PPARGC1B: variants seen among roughly 807,000 people sequenced by gnomAD.
PPARGC1B encodes the protein peroxisome proliferator-activated receptor gamma coactivator 1-beta.
PPARGC1B carries 34 observed loss-of-function variants against 101.6 expected under a neutral mutation model. The observed-to-expected ratio is 0.33, with a 90% CI of 0.25 to 0.45. The LOEUF (loss-of-function observed/expected upper bound fraction) is 0.45, where lower values mean the gene tolerates loss of function less well. PPARGC1B is among the 20% of genes least tolerant of loss of function. The pLI, the probability that PPARGC1B is intolerant of heterozygous loss-of-function variation, is 1.00. For synonymous variants in PPARGC1B, 548 were observed against 539.3 expected (o/e 1.02, Z -0.22); for missense variants, 1,234 against 1,317.6 (o/e 0.94, Z 0.98).
At chr5:149,816,609 C>T (rs892043152) in intron 1 of PPARGC1B, among the ~76,000 whole-genome samples, 7 of 152,224 alleles carry the variant, frequency 4.6e-5, no homozygotes, top group Admixed American at 6.5e-5. Context: ...CTCAGAGCTG[C>T]GGGTTCCTGG....
At chr5:149,809,040 C>T (rs1238671573) in intron 1 of PPARGC1B, among the ~76,000 whole-genome samples, 2 of 151,954 alleles carry the variant, frequency 1.3e-5, no homozygotes, top group African/African-American at 4.8e-5. Context: ...CTTTGGGAGA[C>T]CAAGGCAGGA....
intron 1 of PPARGC1B, chr5:149,772,215 T>C (rs1309617996): frequency 2.5e-6 from 4 of 1,592,104 alleles, no homozygotes; most frequent in Non-Finnish European, 3.4e-6. Context: ...GGGTTGACGA[T>C]TGTGACATGC....
At chr5:149,791,602 T>C (rs1757023216) in intron 1 of PPARGC1B, among the ~76,000 whole-genome samples, 1 of 152,134 alleles carries the variant, frequency 6.6e-6, no homozygotes, top group African/African-American at 2.4e-5. Context: ...CTGGAGAGGC[T>C]GGTCTTTCAT....
intron 1 of PPARGC1B, among the ~76,000 whole-genome samples, chr5:149,762,234 T>A (rs1755743770): frequency 6.6e-6 from 1 of 151,324 alleles, no homozygotes; most frequent in Non-Finnish European, 1.5e-5. Context: ...CTGCAACCTC[T>A]GCCTCCTAGG....
In PPARGC1B at chr5:149,840,131, G is replaced by A. The variant is rs776603223; in HGVS notation, c.2694+15G>A. Reference sequence around the variant, plus strand: ...AAAAGGCCATTGTAAGTGATCTGGGGGCCCAGAGCCTGGAGTGAATGGGAA... The same window carrying A: ...AAAAGGCCATTGTAAGTGATCTGGGAGCCCAGAGCCTGGAGTGAATGGGAA... On this transcript the variant is annotated intron_variant, in intron 9 of 11. Coordinates refer to ENST00000309241, the MANE Select transcript of PPARGC1B (RefSeq NM_133263.4). 4 of 1,607,050 alleles carry A rather than the reference G, an allele frequency of 2.5e-6. No individual in the cohort carries two copies. The highest frequency in any genetic ancestry group is 3.3e-4 in the Middle Eastern group (2 of 6,022).
chr5:149,809,403 C>CGTAG (rs1202420149), intron 1 of PPARGC1B, among the ~76,000 whole-genome samples: 2 of 65,074 alleles, frequency 3.1e-5, no homozygotes, highest in African/African-American at 1.2e-4. Context: ...CCATCTCTAC[C>CGTAG]ATAGATAGAT....
intron 1 of PPARGC1B, among the ~76,000 whole-genome samples, chr5:149,769,528 C>A (rs896969693): frequency 6.6e-6 from 1 of 152,300 alleles, no homozygotes; most frequent in East Asian, 1.9e-4. Context: ...AGAGACACCC[C>A]CTACTCCCCG....
In PPARGC1B at chr5:149,735,180, T is replaced by C. The variant is rs142543908; in HGVS notation, c.78+4760T>C. 2.9e-3 allele frequency among the ~76,000 whole-genome samples: 448 copies of C among 152,284 alleles called. 3 individuals carry two copies. Among genetic ancestry groups the C allele is most frequent in the African/African-American group, 0.01 (424 of 41,552 alleles). On this transcript the variant is annotated intron_variant, in intron 1 of 11. Transcript: ENST00000309241. ...TCTTCACCTGAGCCAGAAGGGGTCA[T>C]GTTCACCAGAGACCTGGGCTCCACT...
At chr5:149,826,148 T>C (rs1758509607) in intron 2 of PPARGC1B, among the ~76,000 whole-genome samples, 1 of 151,562 alleles carries the variant, frequency 6.6e-6, no homozygotes, top group Non-Finnish European at 1.5e-5. Context: ...TCCTCAGGAG[T>C]GAATGAGGAG....
At chr5:149,818,094 G>A (rs972306690) in intron 1 of PPARGC1B, among the ~76,000 whole-genome samples, 1 of 152,158 alleles carries the variant, frequency 6.6e-6, no homozygotes, top group Non-Finnish European at 1.5e-5. Context: ...ACTGAGTGCT[G>A]GTGATTTGTA....
At chr5:149,736,188 C>G (rs1039599141) in intron 1 of PPARGC1B, among the ~76,000 whole-genome samples, 1 of 152,184 alleles carries the variant, frequency 6.6e-6, no homozygotes, top group African/African-American at 2.4e-5. Context: ...CTCTGCTTCT[C>G]TACGCCTGTT....
In PPARGC1B at chr5:149,853,084, C is replaced by G. The variant is rs1306634384; in HGVS notation, c.*5526C>G. The G allele has an allele frequency of 6.6e-6, 1 of 152,146 alleles. No individual in the cohort carries two copies. Among genetic ancestry groups the G allele is most frequent in the Admixed American group, 6.5e-5 (1 of 15,274 alleles). 9.4% of individuals were successfully genotyped at this position (152,146 alleles called of 1,614,324 possible). On this transcript the variant is annotated 3_prime_UTR_variant, in exon 12 of 12. Transcript: ENST00000309241. The surrounding 1 kb of genome is among the most constrained non-coding windows in gnomAD (Gnocchi z 4.2). ...GCTGTATTTTTGGTCAAAGGAGTCT[C>G]CAAGGCGGCTTACAAAAGCTTCCTT...
rs529741231 is a variant in PPARGC1B at position 149,829,774 on chromosome 5, G to A, written c.466-993G>A. On this transcript the variant is annotated intron_variant, in intron 3 of 11. Transcript: ENST00000309241. ...GGTAGGGCCAGGCACAGTGGCTTACGCCTATAATCTCAGCACTTTGGGAGG... is the reference window on the plus strand; with the variant it reads ...GGTAGGGCCAGGCACAGTGGCTTACACCTATAATCTCAGCACTTTGGGAGG... Among the ~76,000 whole-genome samples, 83 of 151,876 alleles carry A rather than the reference G, an allele frequency of 5.5e-4. 1 individual carries two copies. In the South Asian group the frequency reaches 0.016, roughly 30 times the overall value.
intron 1 of PPARGC1B, among the ~76,000 whole-genome samples, chr5:149,781,241 A>T (rs572695645): frequency 6.6e-6 from 1 of 151,916 alleles, no homozygotes. Context: ...TCTGAATGAA[A>T]GATGGCATGA....
At chr5:149,840,143 G>A (rs1759275524) in intron 9 of PPARGC1B, 27 bp downstream of exon 9, 7 of 1,597,128 alleles carry the variant, frequency 4.4e-6, no homozygotes, top group Non-Finnish European at 6.0e-6. Flanking sequence ...CCCAGAGCCT[G>A]GAGTGAATGG....
intron 1 of PPARGC1B, among the ~76,000 whole-genome samples, chr5:149,775,443 T>C (rs1756322519): frequency 6.6e-6 from 1 of 152,096 alleles, no homozygotes; most frequent in Non-Finnish European, 1.5e-5. Flanking sequence ...GGGTGACGCA[T>C]GTGGCCACAG....
intron 1 of PPARGC1B, among the ~76,000 whole-genome samples, chr5:149,795,814 T>C (rs60863197): frequency 0.21 from 31,766 of 151,962 alleles, 3,910 homozygotes; most frequent in African/African-American, 0.34. Context: ...TCTTTTTTTT[T>C]CACAGTATAA....
At chr5:149,855,748 GCTTTAA>G (rs1759931235), downstream of PPARGC1B, among the ~76,000 whole-genome samples, 1 of 152,106 alleles carries the variant, frequency 6.6e-6, no homozygotes, top group Admixed American at 6.5e-5. Context: ...TGTTTTTTGT[GCTTTAA>G]CTTTATTTTT....
In PPARGC1B at chr5:149,836,583, A is replaced by G; in HGVS notation, c.2128A>G (p.Arg710Gly). Residue 710 changes from arginine to glycine, a missense_variant, in exon 8 of 12, where the codon AGG becomes GGG. Coordinates refer to ENST00000309241, the MANE Select transcript of PPARGC1B (RefSeq NM_133263.4). ...AGGCGTCCTGCAAAGGAAGGTGCTGAGGTCCTGGGAGCCGTCTGGGGTTCA... is the reference window on the plus strand; with the variant it reads ...AGGCGTCCTGCAAAGGAAGGTGCTGGGGTCCTGGGAGCCGTCTGGGGTTCA... ...PEGVLQRKVL[R>G]SWEPSGVHLE... 6.2e-7 allele frequency: 1 copy of G among 1,613,858 alleles called. No homozygotes were observed.
Sources: allele counts gnomAD v4.1 joint callset (sites outside exome capture counted in the v4.1 genomes callset), GRCh38; gene constraint gnomAD v4.1.1; non-coding constraint Gnocchi (gnomAD v3.1); transcripts MANE v1.5; gene names NCBI Gene and HGNC (gene_info 2026-07-23, HGNC 2026-07-21).